The following NEMP2 variants were observed in gnomAD, a reference collection of about 807,000 sequenced individuals.
NEMP2 encodes nuclear envelope integral membrane protein 2.
A neutral mutation model predicts 54.2 loss-of-function variants in NEMP2; 53 were observed. The observed-to-expected ratio is 0.98, with a 90% CI of 0.78 to 1.23. The LOEUF (loss-of-function observed/expected upper bound fraction) is 1.23. NEMP2 is among the 50% of genes most tolerant of loss of function. The pLI is 0.00. For missense variants in NEMP2, 455 were observed against 511.3 expected (o/e 0.89, Z 1.06); for synonymous variants, 197 against 190.3 (o/e 1.04, Z -0.29).
chr2:190,425,555 C>A, the NEMP2 span, among the ~76,000 whole-genome samples: 1 of 152,114 alleles, frequency 6.6e-6, no homozygotes, highest in African/African-American at 2.4e-5. This position sits in a 1 kb window ranked among gnomAD's most constrained non-coding sequence, Gnocchi z 4.3. Flanking sequence ...TTTTCTGAGA[C>A]TTTTTCAAAT....
chr2:190,445,059 T>G, the NEMP2 span: 2 of 157,736 alleles, frequency 1.3e-5, no homozygotes, highest in African/African-American at 4.8e-5. Context: ...TGGTGTTAAG[T>G]GAGGCCCTTT....
In NEMP2 at chr2:190,533,941, C is replaced by T. The variant is rs1691255394; in HGVS notation, c.97+618G>A. 29 of 980,852 alleles carry T rather than the reference C, an allele frequency of 3.0e-5. No individual in the cohort carries two copies. Among genetic ancestry groups the T allele is most frequent in the Non-Finnish European group, 3.5e-5 (29 of 825,802 alleles). 60.8% of individuals were successfully genotyped at this position (980,852 alleles called of 1,614,324 possible). A position where few individuals can be genotyped will look rare whatever the true frequency, so the allele number is the denominator to read the frequency against. Reference sequence around the variant, plus strand: ...GAGCCCCTACAGCTAGCAGCCGCTACCAGTTCTTGCTTCCTGTGTGCCAGG... The same window carrying T: ...GAGCCCCTACAGCTAGCAGCCGCTATCAGTTCTTGCTTCCTGTGTGCCAGG... On this transcript the variant is annotated intron_variant, in intron 1 of 8. Coordinates refer to ENST00000409150, the MANE Select transcript of NEMP2 (RefSeq NM_001142645.2). This position sits in a 1 kb window ranked among gnomAD's most constrained non-coding sequence, Gnocchi z 4.3.
At position 190,514,307 on chromosome 2, in the gene NEMP2, AC is replaced by A; in HGVS notation, c.953+145del. 1 of 765,890 alleles carries A rather than the reference AC, an allele frequency of 1.3e-6. No homozygotes were observed. Among genetic ancestry groups the A allele is most frequent in the Admixed American group, 2.5e-5 (1 of 40,256 alleles). The allele number at this position is 765,890 out of a possible 1,614,324, so 47.4% of individuals were successfully genotyped here. The stretch of plus-strand genomic sequence containing the variant: ...TGGGATCAGATGCTTGGAGCTCTCT[AC>A]CCCTACACCCCCAATCTTGCTCAGA... On this transcript the variant is annotated intron_variant, in intron 7 of 8. Coordinates refer to ENST00000409150, the MANE Select transcript of NEMP2 (RefSeq NM_001142645.2). The surrounding 1 kb of genome is among the most constrained non-coding windows in gnomAD (Gnocchi z 5.7).
chr2:190,440,068 G>A, the NEMP2 span, among the ~76,000 whole-genome samples: 1 of 152,146 alleles, frequency 6.6e-6, no homozygotes, highest in Admixed American at 6.5e-5. Flanking sequence ...ATCTGCCCAT[G>A]GCCTTTATGC....
chr2:190,436,735 C>T, the NEMP2 span: 49 of 1,614,168 alleles, frequency 3.0e-5, no homozygotes, highest in Non-Finnish European at 3.6e-5. This position sits in a 1 kb window ranked among gnomAD's most constrained non-coding sequence, Gnocchi z 5.3. Flanking sequence ...AATTACTAAC[C>T]GTATGATGGA....
the NEMP2 span, chr2:190,568,153 G>GA: frequency 3.9e-5 from 6 of 152,272 alleles, no homozygotes; most frequent in African/African-American, 7.2e-5. This position sits in a 1 kb window ranked among gnomAD's most constrained non-coding sequence, Gnocchi z 4.7. Context: ...AGAAATGGGG[G>GA]ATCTATCACC....
the NEMP2 span, among the ~76,000 whole-genome samples, chr2:190,548,581 A>G: frequency 6.6e-6 from 1 of 152,216 alleles, no homozygotes; most frequent in Non-Finnish European, 1.5e-5. Flanking sequence ...GTATATAGTA[A>G]GTACTGAAAT....
downstream of NEMP2, among the ~76,000 whole-genome samples, chr2:190,499,365 T>C (rs1297417208): frequency 1.3e-5 from 2 of 152,194 alleles, no homozygotes; most frequent in African/African-American, 4.8e-5. This position sits in a 1 kb window ranked among gnomAD's most constrained non-coding sequence, Gnocchi z 6.0. Flanking sequence ...AATTTTTTTT[T>C]ATTTGTACAA....
At chr2:190,440,168 C>T in the NEMP2 span, among the ~76,000 whole-genome samples, 5 of 152,146 alleles carry the variant, frequency 3.3e-5, no homozygotes, top group African/African-American at 4.8e-5. Context: ...TGGAGATTCA[C>T]AAATTCTTCA....
chr2:190,511,715 C>T (rs922195907), intron 7 of NEMP2, among the ~76,000 whole-genome samples: 51 of 150,778 alleles, frequency 3.4e-4, no homozygotes, highest in African/African-American at 1.2e-3. Flanking sequence ...CCACCACGCC[C>T]GGCTAATTTG....
the NEMP2 span, among the ~76,000 whole-genome samples, chr2:190,592,719 C>T: frequency 2.0e-5 from 3 of 151,984 alleles, no homozygotes; most frequent in African/African-American, 7.3e-5. This position sits in a 1 kb window ranked among gnomAD's most constrained non-coding sequence, Gnocchi z 4.4. Flanking sequence ...AGAAAGGCTC[C>T]CAAATTTCAG....
chr2:190,478,972 A>G, the NEMP2 span, among the ~76,000 whole-genome samples: 5 of 152,170 alleles, frequency 3.3e-5, no homozygotes, highest in African/African-American at 4.8e-5. Flanking sequence ...GCCTCATTCT[A>G]TAGCCCCCGC....
At chr2:190,640,905 A>G in the NEMP2 span, 1 of 140,314 alleles carries the variant, frequency 7.1e-6, no homozygotes, top group Non-Finnish European at 1.5e-5. Flanking sequence ...GTGCTGGGGT[A>G]GTTTTTGAAC....
the NEMP2 span, among the ~76,000 whole-genome samples, chr2:190,549,282 T>C: frequency 6.6e-6 from 1 of 152,242 alleles, no homozygotes; most frequent in East Asian, 1.9e-4. Flanking sequence ...CTGACTCTCT[T>C]TTTGTGACAT....
chr2:190,510,417 G>C lies in NEMP2; in HGVS notation c.1074C>G (p.Cys358Trp), dbSNP rs1399744963. ...GCCATGAGGGAAAGTCGGGTTTTCG[G>C]CAGGCCCGGCGTAGCTCCTCCAGAG... ...NSALEELRRACRKPDFPSWLV... is the reference protein window; with the variant it reads ...NSALEELRRAWRKPDFPSWLV... Residue 358 changes from cysteine to tryptophan, a missense_variant, in exon 8 of 9, where the codon TGC becomes TGG. Coordinates refer to ENST00000409150, the MANE Select transcript of NEMP2 (RefSeq NM_001142645.2). The surrounding 1 kb of genome is among the most constrained non-coding windows in gnomAD (Gnocchi z 5.7). 3 of 1,551,664 alleles carry C rather than the reference G, an allele frequency of 1.9e-6. No individual in the cohort carries two copies. In the Admixed American group the frequency reaches 5.9e-5, roughly 30 times the overall value.
Position 190,514,150 on chromosome 2 carries a change from A to G in NEMP2, c.953+303T>C. Among the ~76,000 whole-genome samples the G allele has an allele frequency of 6.6e-6, 1 of 152,246 alleles. No individual in the cohort carries two copies. Among genetic ancestry groups the G allele is most frequent in the Non-Finnish European group, 1.5e-5 (1 of 68,038 alleles). ...ACTCTAATTAAAGAAAATGTTGAAT[A>G]AAAGAAGATATTTTAGGTAACCCAG... On this transcript the variant is annotated intron_variant, in intron 7 of 8. Coordinates refer to ENST00000409150, the MANE Select transcript of NEMP2 (RefSeq NM_001142645.2). This position sits in a 1 kb window ranked among gnomAD's most constrained non-coding sequence, Gnocchi z 5.7.
At chr2:190,631,477 A>G in the NEMP2 span, among the ~76,000 whole-genome samples, 1 of 152,242 alleles carries the variant, frequency 6.6e-6, no homozygotes, top group Non-Finnish European at 1.5e-5. Flanking sequence ...ACTTTATATT[A>G]ATATTTTACT....
chr2:190,508,086 G>A lies in NEMP2; in HGVS notation c.*1103C>T, dbSNP rs1463125854. On this transcript the variant is annotated 3_prime_UTR_variant, in exon 9 of 9. Coordinates refer to ENST00000409150, the MANE Select transcript of NEMP2 (RefSeq NM_001142645.2). This position sits in a 1 kb window ranked among gnomAD's most constrained non-coding sequence, Gnocchi z 4.3. ...ATCAAGAAAAAAAATCATTTTATAAGAAATTGTTACAAACACCTATAGCTA... is the reference window on the plus strand; with the variant it reads ...ATCAAGAAAAAAAATCATTTTATAAAAAATTGTTACAAACACCTATAGCTA... 1 of 152,076 alleles carries A rather than the reference G, an allele frequency of 6.6e-6. No individual in the cohort carries two copies. The highest frequency in any genetic ancestry group is 1.5e-5 in the Non-Finnish European group (1 of 68,002). The allele number at this position is 152,076 out of a possible 1,614,324, so 9.4% of individuals were successfully genotyped here. A position where few individuals can be genotyped will look rare whatever the true frequency, so the allele number is the denominator to read the frequency against.
rs978324856 is a variant in NEMP2 at position 190,518,745 on chromosome 2, G to T, written c.509C>A (p.Thr170Asn). ...AAAAAGGAATACTTACTGACTCAGG[G>T]TCCTTGCATAAAAGAAAAGAAAAAC... ...AGVFLFFYAR[T>N]LSQSPTFYYS... Residue 170 changes from threonine to asparagine, a missense_variant, in exon 4 of 9, where the codon ACC (threonine) becomes AAC (asparagine). By Grantham distance (65) the Thr-to-Asn change is moderately conservative. Coordinates refer to ENST00000409150, the MANE Select transcript of NEMP2 (RefSeq NM_001142645.2). The T allele has an allele frequency of 1.3e-6, 2 of 1,542,284 alleles. No individual in the cohort carries two copies. The highest frequency in any genetic ancestry group is 1.7e-6 in the Non-Finnish European group (2 of 1,144,498).
Sources: gnomAD v4.1 joint callset for allele counts (sites outside exome capture counted in the v4.1 genomes callset) on GRCh38, gnomAD v4.1.1 for gene constraint, Gnocchi (gnomAD v3.1) non-coding constraint, MANE v1.5 for transcripts, NCBI Gene and HGNC (gene_info 2026-07-23, HGNC 2026-07-21) for gene names.